The following TOGARAM1 variants were observed in gnomAD, a reference collection of about 807,000 sequenced individuals.
The protein encoded by TOGARAM1 is TOG array regulator of axonemal microtubules 1.
A neutral mutation model predicts 166.6 loss-of-function variants in TOGARAM1; 100 were observed. The observed-to-expected ratio is 0.60, with a 90% CI of 0.51 to 0.71. The LOEUF (loss-of-function observed/expected upper bound fraction) is 0.71, where lower values mean the gene tolerates loss of function less well. Ranked by LOEUF, TOGARAM1 falls within the 30% of genes least tolerant of loss-of-function variation. The pLI, the probability that TOGARAM1 is intolerant of heterozygous loss-of-function variation, is 0.00. For missense variants in TOGARAM1, 2,029 were observed against 2,102.7 expected (o/e 0.96, Z 0.69); for synonymous variants, 758 against 763.8 (o/e 0.99, Z 0.13).
chr14:44,964,210 G>T lies in TOGARAM1; in HGVS notation c.1789G>T (p.Ala597Ser), dbSNP rs1885387567. 6.2e-7 allele frequency: 1 copy of T among 1,614,186 alleles called. No homozygotes were observed. The highest frequency in any genetic ancestry group is 8.5e-7 in the Non-Finnish European group (1 of 1,180,042). The change falls in exon 1 of 20, where the codon GCC becomes TCC. Residue 597 changes from alanine to serine, a missense_variant. This residue lies in a region of TOGARAM1 where 1,453 missense variants were observed against 1,432.2 expected (regional missense o/e 1.01). Coordinates refer to ENST00000361462, the MANE Select transcript of TOGARAM1 (RefSeq NM_001308120.2). ...ATATGCAGTACTGATGCCATCTTCT[G>T]CCGGGGGTAGGTCAAACCATTTGGC... ...VEYAVLMPSS[A>S]GGRSNHLAHG... is the part of the protein sequence containing the mutation.
intron 1 of TOGARAM1, among the ~76,000 whole-genome samples, chr14:44,984,589 G>C (rs1201520964): frequency 6.6e-6 from 1 of 151,084 alleles, no homozygotes; most frequent in Non-Finnish European, 1.5e-5. Context: ...GGCAATATAC[G>C]AGACCCTGTC....
chr14:44,999,338 T>C, intron 2 of TOGARAM1, 25 bp from the exon 3 acceptor site: 1 of 1,525,972 alleles, frequency 6.6e-7, no homozygotes, highest in Non-Finnish European at 8.8e-7. Context: ...TGCTTTTATG[T>C]TTTCTCCCTT....
chr14:45,072,761 G>A lies in TOGARAM1; in HGVS notation c.5057-535G>A, dbSNP rs76763278. On this transcript the variant is annotated intron_variant, in intron 19 of 19. Coordinates refer to ENST00000361462, the MANE Select transcript of TOGARAM1 (RefSeq NM_001308120.2). ...ACTTCTAAGCAAACATAATTAGATA[G>A]GTTAGCAATGCAAAGGAGTATCTAG... Among the ~76,000 whole-genome samples the A allele has an allele frequency of 3.8e-3, 576 of 152,016 alleles. 24 individuals are homozygous for A. In the East Asian group the frequency reaches 0.089, roughly 23 times the overall value.
intron 16 of TOGARAM1, among the ~76,000 whole-genome samples, chr14:45,061,100 C>T (rs1196068189): frequency 6.6e-6 from 1 of 151,870 alleles, no homozygotes; most frequent in Non-Finnish European, 1.5e-5. Context: ...TGATTTTTTT[C>T]TTTACAGAAA....
intron 10 of TOGARAM1, among the ~76,000 whole-genome samples, chr14:45,029,830 G>T (rs1423395414): frequency 6.6e-6 from 1 of 150,964 alleles, no homozygotes; most frequent in Non-Finnish European, 1.5e-5. Flanking sequence ...TTTTTTGTTG[G>T]TTTTTTTTTG....
chr14:44,981,361 CAGT>C (rs1886522507), intron 1 of TOGARAM1, among the ~76,000 whole-genome samples: 2 of 152,056 alleles, frequency 1.3e-5, no homozygotes. Flanking sequence ...TAGAGAATAG[CAGT>C]AGGAGATATA....
At position 45,048,314 on chromosome 14, in the gene TOGARAM1, C is replaced by CAAA. The variant is rs1165258521; in HGVS notation, c.4313+1631_4313+1633dup. On this transcript the variant is annotated intron_variant, in intron 14 of 19. Transcript: ENST00000361462. The stretch of plus-strand genomic sequence containing the variant: ...CTAGAGACAGAGCAAGACTCCATCT[C>CAAA]AAAAAAAAAAAAAAAAAAAAAAGGA... 3.6e-3 allele frequency among the ~76,000 whole-genome samples: 156 copies of CAAA among 43,580 alleles called. 1 individual carries two copies. The highest frequency in any genetic ancestry group is 0.011 in the Middle Eastern group (1 of 88). The allele number at this position is 43,580 out of a possible 152,430, so 28.6% of individuals were successfully genotyped here.
intron 6 of TOGARAM1, 186 bp from the exon 7 acceptor site, chr14:45,011,789 G>A (rs1344810991): frequency 5.0e-5 from 20 of 399,984 alleles, no homozygotes; most frequent in South Asian, 1.2e-4. Flanking sequence ...ATATATATGT[G>A]TGTGTGTGTG....
intron 1 of TOGARAM1, among the ~76,000 whole-genome samples, chr14:44,995,151 A>C (rs1010148304): frequency 3.3e-5 from 5 of 152,214 alleles, no homozygotes; most frequent in African/African-American, 1.2e-4. Context: ...CTTAACTATC[A>C]TATGGGGTTT....
chr14:45,052,400 TA>T, intron 14 of TOGARAM1, 35 bp from the exon 15 acceptor site: 2 of 1,586,328 alleles, frequency 1.3e-6, no homozygotes, highest in South Asian at 1.1e-5. Flanking sequence ...TATTAATGTC[TA>T]AAAAGTAATA....
At chr14:45,025,563 C>CAG in intron 7 of TOGARAM1, 2 of 227,814 alleles carry the variant, frequency 8.8e-6, no homozygotes, top group Non-Finnish European at 7.6e-6. Flanking sequence ...GACTCCATCT[C>CAG]AAAAAAAAAA....
chr14:45,046,560 T>C lies in TOGARAM1; in HGVS notation c.4170T>C (p.Ala1390=). Residue 1390 remains alanine, a synonymous_variant, in exon 14 of 20, where the codon GCT becomes GCC. Transcript: ENST00000361462. ...CTCCTTGTAGCCATTTACACATTGC[T>C]GTAAGAAGGTGTACAGCCCAGCATT... is the stretch of plus-strand genomic sequence containing the variant. ...INGGQSHLHI[A]VRRCTAQHLS... 1 of 1,317,026 alleles carries C rather than the reference T, an allele frequency of 7.6e-7. No homozygotes were observed. Among genetic ancestry groups the C allele is most frequent in the Non-Finnish European group, 9.8e-7 (1 of 1,025,464 alleles). 81.6% of individuals were successfully genotyped at this position (1,317,026 alleles called of 1,614,324 possible).
At chr14:44,995,464 T>C in intron 1 of TOGARAM1, 1 of 478,248 alleles carries the variant, frequency 2.1e-6, no homozygotes, top group East Asian at 6.0e-5. Context: ...TTGTCATTTG[T>C]ATTCTCTCCT....
Position 45,004,985 on chromosome 14 carries a change from C to T in TOGARAM1, c.2644+619C>T, listed in dbSNP as rs140667994. ...TTGCCCAGACTGGAGTGCAATGGTG[C>T]GATCTTGGCTCACGGCATCCTCCAC... On this transcript the variant is annotated intron_variant, in intron 4 of 19. Coordinates refer to ENST00000361462, the MANE Select transcript of TOGARAM1 (RefSeq NM_001308120.2). Among the ~76,000 whole-genome samples the T allele has an allele frequency of 7.2e-4, 109 of 151,652 alleles. No homozygotes were observed. The East Asian group carries it at 0.019, about 26-fold the overall frequency.
Position 44,962,673 on chromosome 14 carries a change from G to T in TOGARAM1, c.252G>T (p.Glu84Asp). ...PSEAVSSSWS[E>D]SGGGLSGGDE... Reference sequence around the variant, plus strand: ...AGGCAGTCTCAAGCAGCTGGTCTGAGTCTGGAGGCGGTTTGTCAGGGGGAG... The same window carrying T: ...AGGCAGTCTCAAGCAGCTGGTCTGATTCTGGAGGCGGTTTGTCAGGGGGAG... The change falls in exon 1 of 20, where the codon GAG becomes GAT. Residue 84 changes from glutamate (E) to aspartate (D), a missense_variant. Glu to Asp is a conservative substitution (Grantham distance 45, BLOSUM62 2). This residue lies in a region of TOGARAM1 where 1,453 missense variants were observed against 1,432.2 expected (regional missense o/e 1.01). Transcript: ENST00000361462. 1.2e-6 allele frequency: 2 copies of T among 1,614,224 alleles called. No homozygotes were observed. Among genetic ancestry groups the T allele is most frequent in the Non-Finnish European group, 1.7e-6 (2 of 1,180,050 alleles).
chr14:45,069,277 G>T (rs1472401462), intron 18 of TOGARAM1, among the ~76,000 whole-genome samples: 1 of 152,080 alleles, frequency 6.6e-6, no homozygotes, highest in Non-Finnish European at 1.5e-5. Flanking sequence ...GCTGAGGCAG[G>T]AGAATCGCTT....
chr14:45,022,127 T>C (rs1880551898), intron 7 of TOGARAM1, among the ~76,000 whole-genome samples: 1 of 151,956 alleles, frequency 6.6e-6, no homozygotes, highest in Non-Finnish European at 1.5e-5. Flanking sequence ...ATTGTATACC[T>C]GACATCTGCG....
At chr14:45,010,241 A>G (rs1879711420) in intron 6 of TOGARAM1, among the ~76,000 whole-genome samples, 1 of 152,192 alleles carries the variant, frequency 6.6e-6, no homozygotes, top group Non-Finnish European at 1.5e-5. Context: ...TTCCATTCTT[A>G]GAAGTTTGTT....
At chr14:44,986,267 T>C (rs960466941) in intron 1 of TOGARAM1, among the ~76,000 whole-genome samples, 40 of 152,188 alleles carry the variant, frequency 2.6e-4, no homozygotes, top group Admixed American at 6.5e-5. Context: ...CAAAGAGTTA[T>C]CTTAATTAGA....
Sources: gnomAD v4.1 joint callset for allele counts (sites outside exome capture counted in the v4.1 genomes callset) on GRCh38, gnomAD v4.1.1 for gene constraint, gnomAD v4.1.1 regional missense constraint, MANE v1.5 for transcripts, NCBI Gene and HGNC (gene_info 2026-07-23, HGNC 2026-07-21) for gene names.